Variants in IQANK1 observed in about 807,000 individuals in gnomAD.
IQANK1 encodes the protein IQ motif and ankyrin repeat domain-containing protein 1.
A neutral mutation model predicts 22.6 loss-of-function variants in IQANK1; 30 were observed. That is an observed-to-expected ratio of 1.33 (90% confidence interval 0.99 to 1.80). The LOEUF (loss-of-function observed/expected upper bound fraction) is 1.80, where lower values mean the gene tolerates loss of function less well. Ranked by LOEUF, IQANK1 falls within the 40% of genes most tolerant of loss-of-function variation. The probability of loss-of-function intolerance (pLI) is 0.00; values close to 1 mark genes in which losing one functional copy is unlikely to be tolerated. For synonymous variants in IQANK1, 122 were observed against 99.6 expected, an observed-to-expected ratio of 1.23 and a Z score of -1.34; for missense variants, 275 against 235.2, an observed-to-expected ratio of 1.17 and a Z score of -1.11.
intron 3 of IQANK1, among the ~76,000 whole-genome samples, chr8:143,750,074 G>A (rs559285717): frequency 6.7e-4 from 101 of 151,254 alleles, no homozygotes; most frequent in African/African-American, 2.0e-3. Flanking sequence ...GCACGTTCTC[G>A]GCTCACTGCA....
In IQANK1 at chr8:143,789,851, C is replaced by T. The variant is rs946924095; in HGVS notation, c.1177C>T (p.Arg393Trp). The T allele has an allele frequency of 4.5e-5, 56 of 1,231,946 alleles. No individual in the cohort carries two copies. Among genetic ancestry groups the T allele is most frequent in the African/African-American group, 9.3e-5 (6 of 64,418 alleles). The allele number at this position is 1,231,946 out of a possible 1,614,324, so 76.3% of individuals were successfully genotyped here. ...EALAMARLEL[R>W]EQTQEGEEEA... The stretch of plus-strand genomic sequence containing the variant: ...GCTGGCTATGGCCAGGCTGGAGCTT[C>T]GGGAGCAGACGCAGGAGGGTGGGCC... Residue 393 changes from arginine (R) to tryptophan (W), a missense_variant, in exon 11 of 14, where the codon CGG becomes TGG. Physicochemically the swap from Arg to Trp is moderately radical, Grantham distance 101. Coordinates refer to ENST00000527139, the MANE Select transcript of IQANK1 (RefSeq NM_001381874.1).
chr8:143,763,412 A>G (rs1483992916), intron 3 of IQANK1, among the ~76,000 whole-genome samples: 1 of 152,184 alleles, frequency 6.6e-6, no homozygotes, highest in Non-Finnish European at 1.5e-5. Flanking sequence ...TTTTATATTT[A>G]TTAGCTGATA....
intron 3 of IQANK1, among the ~76,000 whole-genome samples, chr8:143,760,939 T>C (rs897164601): frequency 2.6e-5 from 4 of 151,924 alleles, no homozygotes; most frequent in Non-Finnish European, 5.9e-5. Flanking sequence ...TGGGGTCGAC[T>C]TTGGACTTAG....
intron 3 of IQANK1, among the ~76,000 whole-genome samples, chr8:143,762,132 T>C (rs1819407106): frequency 6.6e-6 from 1 of 152,042 alleles, no homozygotes; most frequent in Non-Finnish European, 1.5e-5. Flanking sequence ...TTAAACTTGT[T>C]AGGAAGAACT....
chr8:143,766,801 C>T (rs1375277756), intron 3 of IQANK1, among the ~76,000 whole-genome samples: 2 of 152,210 alleles, frequency 1.3e-5, no homozygotes, highest in African/African-American at 2.4e-5. Flanking sequence ...TGATCTTCAA[C>T]GAGCTTTATG....
intron 3 of IQANK1, among the ~76,000 whole-genome samples, chr8:143,765,512 T>G (rs143272912): frequency 9.8e-5 from 15 of 152,352 alleles, no homozygotes; most frequent in African/African-American, 3.4e-4. Flanking sequence ...TTTCAAAGGT[T>G]TATTAGCCAA....
intron 3 of IQANK1, among the ~76,000 whole-genome samples, chr8:143,752,996 GTTTTTTT>G (rs34993930): frequency 1.3e-4 from 9 of 69,904 alleles, no homozygotes; most frequent in African/African-American, 3.7e-4. Context: ...CTCTCTGTTC[GTTTTTTT>G]TTTTTTTTTT....
At chr8:143,740,027 C>G in intron 3 of IQANK1, 79 bp downstream of exon 3, 1 of 626,040 alleles carries the variant, frequency 1.6e-6, no homozygotes, top group Non-Finnish European at 2.9e-6. Context: ...CCGGGACACG[C>G]TCAGTGTGGG....
chr8:143,772,783 C>G (rs1333964785), intron 7 of IQANK1, among the ~76,000 whole-genome samples: 7 of 152,208 alleles, frequency 4.6e-5, no homozygotes, highest in African/African-American at 1.7e-4. Flanking sequence ...CCTTTGGTGT[C>G]GGGTTTTGTG....
chr8:143,738,001 C>T (rs367995663), intron 2 of IQANK1, among the ~76,000 whole-genome samples: 7 of 152,232 alleles, frequency 4.6e-5, no homozygotes, highest in East Asian at 1.9e-4. Context: ...CAGTGGCCGG[C>T]ACCGGTCTCG....
At chr8:143,781,492 T>C (rs1198907005) in intron 7 of IQANK1, among the ~76,000 whole-genome samples, 3 of 152,190 alleles carry the variant, frequency 2.0e-5, no homozygotes, top group Non-Finnish European at 4.4e-5. Context: ...TTGAGTTGAT[T>C]TTTATGTATG....
intron 3 of IQANK1, among the ~76,000 whole-genome samples, chr8:143,754,462 G>T (rs1436026738): frequency 6.6e-6 from 1 of 152,140 alleles, no homozygotes; most frequent in East Asian, 1.9e-4. Flanking sequence ...CATGCTTGTT[G>T]ATGAAATTCA....
At chr8:143,764,097 C>A (rs1023874189) in intron 3 of IQANK1, among the ~76,000 whole-genome samples, 1 of 146,110 alleles carries the variant, frequency 6.8e-6, no homozygotes, top group Non-Finnish European at 1.5e-5. Flanking sequence ...CTGATACTCT[C>A]AGCAGTCACA....
intron 7 of IQANK1, among the ~76,000 whole-genome samples, chr8:143,788,123 CTA>C (rs1440201642): frequency 1.3e-5 from 2 of 152,230 alleles, no homozygotes; most frequent in Non-Finnish European, 2.9e-5. Flanking sequence ...GCTGGCCACA[CTA>C]GACAACAGGC....
Position 143,739,857 on chromosome 8 carries a change from AG to A in IQANK1, c.87del. On this transcript the variant is annotated splice_acceptor_variant, in intron 2 of 13. Transcript: ENST00000527139. LOFTEE classifies it high-confidence loss of function. ...AGCTCACTGACGGTCGTTTTCCCTTAGGGAAGCCCGGGGAGAACCGCCCGCC... is the reference window on the plus strand; with the variant it reads ...AGCTCACTGACGGTCGTTTTCCCTTAGGAAGCCCGGGGAGAACCGCCCGCC... 1 of 693,466 alleles carries A rather than the reference AG, an allele frequency of 1.4e-6. No individual in the cohort carries two copies. Among genetic ancestry groups the A allele is most frequent in the Non-Finnish European group, 2.6e-6 (1 of 381,044 alleles). The allele number at this position is 693,466 out of a possible 1,614,324, so 43.0% of individuals were successfully genotyped here.
chr8:143,764,982 A>G, intron 3 of IQANK1, among the ~76,000 whole-genome samples: 1 of 152,182 alleles, frequency 6.6e-6, no homozygotes, highest in Non-Finnish European at 1.5e-5. Flanking sequence ...AGATGAATCC[A>G]CTCTTACAAA....
At chr8:143,738,450 G>C (rs940390249) in intron 2 of IQANK1, among the ~76,000 whole-genome samples, 27 of 152,322 alleles carry the variant, frequency 1.8e-4, no homozygotes, top group African/African-American at 6.0e-4. Flanking sequence ...GGGCCTCACT[G>C]ACCCCACTCG....
At chr8:143,740,150 C>T (rs978269306) in intron 3 of IQANK1, among the ~76,000 whole-genome samples, 13 of 152,072 alleles carry the variant, frequency 8.5e-5, no homozygotes, top group Admixed American at 3.3e-4. Flanking sequence ...GAGCCCCTCC[C>T]GCCGCGCCCC....
chr8:143,782,075 A>G (rs1332916902), intron 7 of IQANK1, among the ~76,000 whole-genome samples: 4 of 152,048 alleles, frequency 2.6e-5, no homozygotes, highest in African/African-American at 9.7e-5. Context: ...TTTTGTGGCA[A>G]TTGTGAATGG....
Sources: gnomAD v4.1 joint callset for allele counts (sites outside exome capture counted in the v4.1 genomes callset) on GRCh38, gnomAD v4.1.1 for gene constraint, MANE v1.5 for transcripts, NCBI Gene and HGNC (gene_info 2026-07-23, HGNC 2026-07-21) for gene names.